Variants in PCDHGB1 observed in about 807,000 individuals in gnomAD.
The protein encoded by PCDHGB1 is protocadherin gamma subfamily B, 1, also known as protocadherin gamma-B1.
PCDHGB1 carries 34 observed loss-of-function variants against 56.6 expected under a neutral mutation model. The observed-to-expected ratio is 0.60, with a 90% confidence interval of 0.46 to 0.80. PCDHGB1 has a LOEUF of 0.80. Ranked by LOEUF, PCDHGB1 falls within the 30% of genes least tolerant of loss-of-function variation. The pLI, the probability that PCDHGB1 is intolerant of heterozygous loss-of-function variation, is 0.00. For missense variants in PCDHGB1, 1,278 were observed against 1,204.6 expected (o/e 1.06, Z -0.90); for synonymous variants, 561 against 505.9 (o/e 1.11, Z -1.46).
intron 1 of PCDHGB1, among the ~76,000 whole-genome samples, chr5:141,381,960 G>A (rs1283229818): frequency 6.6e-6 from 1 of 150,482 alleles, no homozygotes; most frequent in East Asian, 2.0e-4. Flanking sequence ...CTCCTGAGTA[G>A]CTGGGATTAC....
At chr5:141,360,233 TC>T in intron 1 of PCDHGB1, 1 of 1,613,862 alleles carries the variant, frequency 6.2e-7, no homozygotes, top group Non-Finnish European at 8.5e-7. Context: ...CCAGTCCAGA[TC>T]CGCTATTCAA....
intron 1 of PCDHGB1, chr5:141,419,337 C>A (rs1283848400): frequency 6.2e-7 from 1 of 1,613,906 alleles, no homozygotes; most frequent in South Asian, 1.1e-5. Flanking sequence ...TCTCTCATTG[C>A]CAGCGACCTG....
At position 141,400,132 on chromosome 5, in the gene PCDHGB1, C is replaced by T. The variant is rs762060556; in HGVS notation, c.2409+47463C>T. 6.3e-5 allele frequency: 101 copies of T among 1,613,964 alleles called. No individual in the cohort carries two copies. The highest frequency in any genetic ancestry group is 8.4e-5 in the Non-Finnish European group (99 of 1,179,904). On this transcript the variant is annotated intron_variant, in intron 1 of 3. Coordinates refer to ENST00000523390, the MANE Select transcript of PCDHGB1 (RefSeq NM_018922.3). ...TGCTGACAGCTTGCAGGAGGTGCTG[C>T]CGGATATCACTGACCGCCCTGTACC...
intron 1 of PCDHGB1, chr5:141,428,270 C>T (rs1353416356): frequency 1.3e-6 from 1 of 778,952 alleles, no homozygotes. Flanking sequence ...AGTCCTGTGC[C>T]CTCTGATTCC....
chr5:141,375,664 C>A (rs766359955), intron 1 of PCDHGB1: 2 of 1,614,256 alleles, frequency 1.2e-6, no homozygotes, highest in East Asian at 4.5e-5. Context: ...AGTTGAGAGA[C>A]CTACAGCTGT....
chr5:141,352,952 C>A (rs1759151457), intron 1 of PCDHGB1, among the ~76,000 whole-genome samples: 1 of 152,140 alleles, frequency 6.6e-6, no homozygotes, highest in Non-Finnish European at 1.5e-5. Flanking sequence ...TGTGCCACTG[C>A]ACTCCAGCCT....
chr5:141,418,063 G>T (rs2015825), intron 1 of PCDHGB1: 734,858 of 1,613,808 alleles, frequency 0.46, 174,471 homozygotes, highest in African/African-American at 0.8. Flanking sequence ...AGCTGCGAGT[G>T]AGCGCGGAGA....
chr5:141,381,417 G>A (rs954058342), intron 1 of PCDHGB1, among the ~76,000 whole-genome samples: 1 of 152,214 alleles, frequency 6.6e-6, no homozygotes, highest in Admixed American at 6.5e-5. Context: ...GTGGAGAGAC[G>A]AGTACCTCTA....
At position 141,460,912 on chromosome 5, in the gene PCDHGB1, G is replaced by GTGTATATA. The variant is rs145509489; in HGVS notation, c.2410-33894_2410-33893insGTATATAT. ...TCGTGGCTGAGTAATATTCCATGGTGTATATATATATATGTGTGTGTGTAT... is the reference window on the plus strand; with the variant it reads ...TCGTGGCTGAGTAATATTCCATGGTGTGTATATATATATATATATATGTGTGTGTGTAT... On this transcript the variant is annotated intron_variant, in intron 1 of 3. Transcript: ENST00000523390. Among the ~76,000 whole-genome samples the GTGTATATA allele has an allele frequency of 5.0e-3, 740 of 149,316 alleles. 4 individuals are homozygous for GTGTATATA. The highest frequency in any genetic ancestry group is 0.015 in the African/African-American group (617 of 40,618).
At chr5:141,388,794 A>G (rs879026266) in intron 1 of PCDHGB1, 1 of 1,613,898 alleles carries the variant, frequency 6.2e-7, no homozygotes, top group Non-Finnish European at 8.5e-7. Context: ...TGTTTTAAAT[A>G]CATTAGATTT....
chr5:141,351,968 C>T lies in PCDHGB1; in HGVS notation c.1708C>T (p.Leu570Phe). The T allele has an allele frequency of 2.5e-6, 4 of 1,612,640 alleles. No homozygotes were observed. The highest frequency in any genetic ancestry group is 3.4e-6 in the Non-Finnish European group (4 of 1,179,712). The change falls in exon 1 of 4, where the codon CTC becomes TTC. Residue 570 changes from leucine to phenylalanine, a missense_variant. Transcript: ENST00000523390. ...CGCGCTGGGGCCTGATGGCTCCGCC[C>T]TCTTCGATATGGTGCCACGCGCCGC... ...YPALGPDGSA[L>F]FDMVPRAAEP...
At chr5:141,484,639 C>A (rs1366750263) in intron 1 of PCDHGB1, among the ~76,000 whole-genome samples, 1 of 151,938 alleles carries the variant, frequency 6.6e-6, no homozygotes, top group Non-Finnish European at 1.5e-5. Context: ...AGTGACCACT[C>A]TCCAATGGCT....
rs754888812 is a variant in PCDHGB1, at chr5:141,374,393, G to T, written c.2409+21724G>T. The T allele has an allele frequency of 1.1e-5, 18 of 1,614,032 alleles. No individual in the cohort carries two copies. In the Middle Eastern group the frequency reaches 1.2e-3, roughly 104 times the overall value. ...CTGTGCTCAGAGCCCGCGGTGTCTG[G>T]TGAGTTTTAACATCCTTGTCGAGGA... On this transcript the variant is annotated intron_variant, in intron 1 of 3. Transcript: ENST00000523390.
At chr5:141,361,018 A>G in intron 1 of PCDHGB1, 1 of 1,613,362 alleles carries the variant, frequency 6.2e-7, no homozygotes, top group Non-Finnish European at 8.5e-7. Context: ...TTTCAACTTA[A>G]ATGAAAAAAC....
intron 1 of PCDHGB1, chr5:141,414,621 C>G: frequency 6.2e-7 from 1 of 1,613,996 alleles, no homozygotes; most frequent in Non-Finnish European, 8.5e-7. Flanking sequence ...CAGCGCTGGA[C>G]CCGGACAGCA....
Position 141,485,057 on chromosome 5 carries a change from C to A in PCDHGB1, c.2410-9750C>A, listed in dbSNP as rs2099605934. ...GTAACCCTTGCGGCGCCGGCCGAACCGCGCCAGAGCTGGCGCGGGGAAAGG... is the reference window on the plus strand; with the variant it reads ...GTAACCCTTGCGGCGCCGGCCGAACAGCGCCAGAGCTGGCGCGGGGAAAGG... On this transcript the variant is annotated intron_variant, in intron 1 of 3. Coordinates refer to ENST00000523390, the MANE Select transcript of PCDHGB1 (RefSeq NM_018922.3). The surrounding 1 kb of genome is among the most constrained non-coding windows in gnomAD (Gnocchi z 5.7). The A allele has an allele frequency of 2.4e-6, 2 of 843,718 alleles. No homozygotes were observed. Among genetic ancestry groups the A allele is most frequent in the South Asian group, 1.7e-5 (1 of 59,950 alleles). 52.3% of individuals were successfully genotyped at this position (843,718 alleles called of 1,614,324 possible).
intron 1 of PCDHGB1, chr5:141,393,977 T>TA: frequency 6.2e-7 from 1 of 1,613,870 alleles, no homozygotes; most frequent in Non-Finnish European, 8.5e-7. Flanking sequence ...ACACACGTGA[T>TA]AATTTACCTT....
At chr5:141,355,876 G>A (rs1760026876) in intron 1 of PCDHGB1, 1 of 1,612,914 alleles carries the variant, frequency 6.2e-7, no homozygotes, top group African/African-American at 1.3e-5. Context: ...CTCTGGCACT[G>A]CCAGGATTCT....
Position 141,409,638 on chromosome 5 carries a change from C to T in PCDHGB1, c.2409+56969C>T, listed in dbSNP as rs1040366842. The T allele has an allele frequency of 3.1e-6, 5 of 1,613,648 alleles. No homozygotes were observed. The highest frequency in any genetic ancestry group is 1.7e-5 in the Admixed American group (1 of 60,006). ...ATTGCGCAAGTGAGCGCCTCTGACC[C>T]GGATTTGGGGCTCAATGGCCACATC... On this transcript the variant is annotated intron_variant, in intron 1 of 3. Coordinates refer to ENST00000523390, the MANE Select transcript of PCDHGB1 (RefSeq NM_018922.3).
Sources: allele counts gnomAD v4.1 joint callset (sites outside exome capture counted in the v4.1 genomes callset), GRCh38; gene constraint gnomAD v4.1.1; non-coding constraint Gnocchi (gnomAD v3.1); transcripts MANE v1.5; gene names NCBI Gene and HGNC (gene_info 2026-07-23, HGNC 2026-07-21).